The following CEP250 variants were observed in gnomAD, a reference collection of about 807,000 sequenced individuals.
CEP250 encodes centrosome-associated protein CEP250.
In CEP250, 242 loss-of-function variants were observed where a neutral mutation model predicts 315.7. The observed-to-expected ratio is 0.77, with a 90% confidence interval of 0.69 to 0.85. The LOEUF is 0.85. Ranked by LOEUF, CEP250 falls within the 40% of genes least tolerant of loss-of-function variation. The pLI, the probability that CEP250 is intolerant of heterozygous loss-of-function variation, is 0.00. For missense variants in CEP250, 2,515 were observed against 2,886.4 expected (o/e 0.87, Z 2.95); for synonymous variants, 1,088 against 1,175.0 (o/e 0.93, Z 1.51).
rs1341914689 is a variant in CEP250 at position 35,509,910 on chromosome 20, A to T, written c.7009-88A>T. ...CCCATAGCCCTTGCCCAGGCCCCTA[A>T]GATTGTGATGAGGTTCTGCAAGGAA... is the stretch of plus-strand genomic sequence containing the variant. On this transcript the variant is annotated intron_variant, in intron 33 of 34. Coordinates refer to ENST00000397527, the MANE Select transcript of CEP250 (RefSeq NM_007186.6). The T allele has an allele frequency of 1.4e-4, 170 of 1,219,078 alleles. 1 individual carries two copies. The allele number at this position is 1,219,078 out of a possible 1,614,324, so 75.5% of individuals were successfully genotyped here.
chr20:35,490,142 A>G (rs1365305141), intron 20 of CEP250, among the ~76,000 whole-genome samples: 6 of 152,014 alleles, frequency 3.9e-5, no homozygotes, highest in Non-Finnish European at 7.4e-5. Flanking sequence ...TTGAAACCCC[A>G]TCTCTACTAA....
intron 20 of CEP250, chr20:35,481,080 T>C (rs1007244984): frequency 2.6e-5 from 4 of 152,062 alleles, no homozygotes; most frequent in African/African-American, 9.7e-5. Context: ...AATCTCAAGG[T>C]TCAGTAGTTT....
intron 5 of CEP250, among the ~76,000 whole-genome samples, chr20:35,465,420 CAAAAA>C (rs80078387): frequency 1.7e-5 from 1 of 59,056 alleles, no homozygotes. Context: ...ACTCTGTCTC[CAAAAA>C]AAAAAAAAAA....
rs549020994 is a variant in CEP250, at chr20:35,466,149, G to C, written c.437G>C (p.Ser146Thr). ...GTGGAAAAACTGACAGTGGACTGGA[G>C]CCGGGCCCGGGATGAGCTAATGAGG... The part of the protein sequence containing the change: ...EDVEKLTVDW[S>T]RARDELMRKE... The change falls in exon 7 of 35, where the codon AGC (serine) becomes ACC (threonine). Residue 146 changes from serine (S) to threonine (T), a missense_variant. Ser to Thr is a moderately conservative substitution (Grantham distance 58). Transcript: ENST00000397527. 6.2e-7 allele frequency: 1 copy of C among 1,612,648 alleles called. No individual in the cohort carries two copies.
chr20:35,508,253 G>T, intron 32 of CEP250, 63 bp downstream of exon 32: 1 of 1,561,100 alleles, frequency 6.4e-7, no homozygotes, highest in Non-Finnish European at 8.8e-7. Context: ...CTAGAGCATA[G>T]GCTCAGTAAA....
rs370432289 is a variant in CEP250, at chr20:35,503,264, T to G, written c.4895T>G (p.Val1632Gly). 1.9e-6 allele frequency: 3 copies of G among 1,613,714 alleles called. No homozygotes were observed. In the Admixed American group the frequency reaches 5.0e-5, roughly 27 times the overall value. ...GAGCTGCAGGAGAGGGACCAGGAGG[T>G]GAAGTCTCAGCGAGAACAGATCGAG... ...ARELQERDQE[V>G]KSQREQIEEL... The change falls in exon 30 of 35, where the codon GTG (valine) becomes GGG (glycine). Residue 1632 changes from valine (V) to glycine (G), a missense_variant. Physicochemically the swap from Val to Gly is moderately radical, Grantham distance 109 (BLOSUM62 -3). Transcript: ENST00000397527. The surrounding 1 kb of genome is among the most constrained non-coding windows in gnomAD (Gnocchi z 4.2).
At chr20:35,462,722 A>G (rs1049434589) in intron 4 of CEP250, among the ~76,000 whole-genome samples, 169 bp downstream of exon 4, 1 of 152,126 alleles carries the variant, frequency 6.6e-6, no homozygotes, top group African/African-American at 2.4e-5. Flanking sequence ...TTCTCTTTTG[A>G]TGCTCACAAC....
At chr20:35,493,303 TGAGAA>T (rs2063747701) in intron 22 of CEP250, 121 bp from the exon 23 acceptor site, 4 of 864,988 alleles carry the variant, frequency 4.6e-6, no homozygotes, top group Non-Finnish European at 6.9e-6. Flanking sequence ...GACTAGGAAG[TGAGAA>T]GGTGAGGTGG....
intron 30 of CEP250, among the ~76,000 whole-genome samples, chr20:35,505,839 C>A (rs1278209917): frequency 6.6e-6 from 1 of 152,058 alleles, no homozygotes; most frequent in Admixed American, 6.6e-5. Flanking sequence ...AGGGGCCACA[C>A]CTGTCAGGGC....
At chr20:35,499,488 A>G (rs1265242303) in intron 27 of CEP250, among the ~76,000 whole-genome samples, 1 of 152,228 alleles carries the variant, frequency 6.6e-6, no homozygotes, top group Non-Finnish European at 1.5e-5. Flanking sequence ...ATCAGTCAAT[A>G]CAAATTGAGT....
chr20:35,472,619 A>C, intron 11 of CEP250, 54 bp from the exon 12 acceptor site: 1 of 1,587,436 alleles, frequency 6.3e-7, no homozygotes, highest in Non-Finnish European at 8.6e-7. Flanking sequence ...AAGTCCCTCT[A>C]TAGACTCTAG....
intron 33 of CEP250, 82 bp downstream of exon 33, chr20:35,509,126 G>C: frequency 8.9e-7 from 1 of 1,127,396 alleles, no homozygotes; most frequent in Admixed American, 2.0e-5. Context: ...TGCATATCCC[G>C]GGCCAACAGC....
At chr20:35,510,265 C>CT in intron 34 of CEP250, among the ~76,000 whole-genome samples, 1 of 152,152 alleles carries the variant, frequency 6.6e-6, no homozygotes, top group Non-Finnish European at 1.5e-5. Flanking sequence ...CAAATCCATA[C>CT]TTAGAAAGGG....
At chr20:35,463,539 G>T (rs377376436) in intron 4 of CEP250, 36 bp from the exon 5 acceptor site, 5 of 1,574,412 alleles carry the variant, frequency 3.2e-6, no homozygotes, top group Non-Finnish European at 2.6e-6. Context: ...TGTGCCAGCT[G>T]TGTTCATTGC....
chr20:35,472,190 C>A, intron 11 of CEP250, 39 bp downstream of exon 11: 2 of 1,173,204 alleles, frequency 1.7e-6, no homozygotes, highest in Non-Finnish European at 2.6e-6. Context: ...CCAGGTTATG[C>A]CTCCACTCCC....
Position 35,510,018 on chromosome 20 carries a change from C to T in CEP250, c.7029C>T (p.Asn2343=). The T allele has an allele frequency of 2.5e-6, 4 of 1,614,210 alleles. No individual in the cohort carries two copies. Among genetic ancestry groups the T allele is most frequent in the Non-Finnish European group, 3.4e-6 (4 of 1,180,022 alleles). Residue 2343 remains asparagine, a synonymous_variant, in exon 34 of 35, where the codon AAC becomes AAT. Transcript: ENST00000397527. ...PTQQDGRGQK[N]SDAKCVAELQ... ...CTTAGGATGGGAGAGGACAGAAGAACTCAGATGCCAAGTGTGTGGCTGAAC... is the reference window on the plus strand; with the variant it reads ...CTTAGGATGGGAGAGGACAGAAGAATTCAGATGCCAAGTGTGTGGCTGAAC...
In CEP250 at chr20:35,466,032, A is replaced by G. The variant is rs1309870339; in HGVS notation, c.327-7A>G. 3 of 1,614,126 alleles carry G rather than the reference A, an allele frequency of 1.9e-6. No individual in the cohort carries two copies. Among genetic ancestry groups the G allele is most frequent in the African/African-American group, 1.3e-5 (1 of 75,044 alleles). On this transcript the variant is annotated splice_polypyrimidine_tract_variant and splice_region_variant and intron_variant, in intron 6 of 34. Transcript: ENST00000397527. The stretch of plus-strand genomic sequence containing the variant: ...TTTGCACCCACTTTTACCCCTCCCC[A>G]GTGCAGGTGTGAGAGTCTAGCAGAG...
rs139876657 is a variant in CEP250, at chr20:35,503,400, G to A, written c.5031G>A (p.Gln1677=). Residue 1677 remains glutamine, a synonymous_variant, in exon 30 of 35, where the codon CAG becomes CAA. Coordinates refer to ENST00000397527, the MANE Select transcript of CEP250 (RefSeq NM_007186.6). The surrounding 1 kb of genome is among the most constrained non-coding windows in gnomAD (Gnocchi z 4.2). ...TTCTCGAGGATCAGAGGACCCGGCA[G>A]ACCAAGATCCTGGAGGAGGACCTGG... ...IQVLEDQRTR[Q]TKILEEDLEQ... is the part of the protein sequence containing the mutation. 3 of 1,614,070 alleles carry A rather than the reference G, an allele frequency of 1.9e-6. No individual in the cohort carries two copies. The African/African-American group carries it at 4.0e-5, about 22-fold the overall frequency.
chr20:35,462,506 G>A lies in CEP250; in HGVS notation c.139G>A (p.Glu47Lys), dbSNP rs2062777969. The change falls in exon 4 of 35, where the codon GAG becomes AAG. Residue 47 changes from glutamate (E) to lysine (K), a missense_variant. Physicochemically the swap from Glu to Lys is moderately conservative, Grantham distance 56. Coordinates refer to ENST00000397527, the MANE Select transcript of CEP250 (RefSeq NM_007186.6). ...ASWRKLKNSQ[E>K]AQQRQATLVR... ...CTGGCGGAAGCTGAAGAACTCCCAGGAGGCCCAGCAGAGACAAGCAACCCT... is the reference window on the plus strand; with the variant it reads ...CTGGCGGAAGCTGAAGAACTCCCAGAAGGCCCAGCAGAGACAAGCAACCCT... 1 of 1,610,098 alleles carries A rather than the reference G, an allele frequency of 6.2e-7. No individual in the cohort carries two copies. The highest frequency in any genetic ancestry group is 2.2e-5 in the East Asian group (1 of 44,722).
Sources: gnomAD v4.1 joint callset for allele counts (sites outside exome capture counted in the v4.1 genomes callset) on GRCh38, gnomAD v4.1.1 for gene constraint, Gnocchi (gnomAD v3.1) non-coding constraint, MANE v1.5 for transcripts, NCBI Gene and HGNC (gene_info 2026-07-23, HGNC 2026-07-21) for gene names.